Variants in MYT1 observed in about 807,000 individuals in gnomAD.
MYT1 encodes myelin transcription factor 1, also known as myelin transcription factor I.
Under a neutral mutation model 123.0 loss-of-function variants are expected in MYT1, and 23 were observed. The observed-to-expected ratio is 0.19, with a 90% CI of 0.13 to 0.26. The LOEUF is 0.26. Among genes scored for constraint, MYT1 ranks in the 10% least tolerant of loss-of-function variants. The pLI is 1.00. For synonymous variants in MYT1, 518 were observed against 575.3 expected, an observed-to-expected ratio of 0.90 and a Z score of 1.43; for missense variants, 1,125 against 1,472.5, an observed-to-expected ratio of 0.76 and a Z score of 3.86.
chr20:64,233,628 G>C (rs1465787781), intron 19 of MYT1, among the ~76,000 whole-genome samples: 2 of 150,592 alleles, frequency 1.3e-5, no homozygotes, highest in Non-Finnish European at 1.5e-5. Context: ...TCCTTGTAGA[G>C]TGCATTTTGG....
chr20:64,206,208 G>C (rs1259516826), intron 6 of MYT1, among the ~76,000 whole-genome samples: 2 of 152,154 alleles, frequency 1.3e-5, no homozygotes, highest in Non-Finnish European at 2.9e-5. Flanking sequence ...AGACCTGCCT[G>C]GGGGCATGGG....
At chr20:64,205,890 G>A (rs1159846560) in intron 6 of MYT1, 90 bp downstream of exon 6, 7 of 1,542,882 alleles carry the variant, frequency 4.5e-6, no homozygotes, top group Non-Finnish European at 6.1e-6. Context: ...GCTCACTCCG[G>A]GCAAGAGAAA....
In MYT1 at chr20:64,208,542, G is replaced by A. The variant is rs1334412283; in HGVS notation, c.1291+55G>A. 5.9e-6 allele frequency: 9 copies of A among 1,526,366 alleles called. No homozygotes were observed. In the Admixed American group the frequency reaches 8.1e-5, roughly 14 times the overall value. The allele number at this position is 1,526,366 out of a possible 1,614,324, so 94.6% of individuals were successfully genotyped here. On this transcript the variant is annotated intron_variant, in intron 7 of 22. Transcript: ENST00000328439. The surrounding 1 kb of genome is among the most constrained non-coding windows in gnomAD (Gnocchi z 5.4). ...GACTCATCCTTTCACCCCTGCCCCA[G>A]GTGTGCAGATGCAGGCTGAGAGCCC...
At chr20:64,187,928 C>T (rs368902852) in intron 1 of MYT1, among the ~76,000 whole-genome samples, 8 of 152,308 alleles carry the variant, frequency 5.3e-5, no homozygotes, top group Admixed American at 2.0e-4. Context: ...AGAAGCTCAG[C>T]GGCTTTGCTG....
intron 21 of MYT1, among the ~76,000 whole-genome samples, chr20:64,237,602 C>T (rs1356426435): frequency 5.9e-5 from 9 of 152,180 alleles, no homozygotes; most frequent in African/African-American, 1.4e-4. Flanking sequence ...GCCAGTGGGC[C>T]GCCGGAGCTG....
intron 1 of MYT1, among the ~76,000 whole-genome samples, chr20:64,184,405 T>C (rs993524759): frequency 1.3e-5 from 2 of 152,070 alleles, no homozygotes; most frequent in African/African-American, 4.8e-5. Flanking sequence ...ATTAAATTGT[T>C]TTTGTGCCAT....
chr20:64,221,732 T>TG lies in MYT1; in HGVS notation c.2242-155dup, dbSNP rs1195233143. ...AGGGGTGTTGTCTTCTGTGTTTTGC[T>TG]GGGGGGAGTTAAGTCTTCCTCCCTT... is the stretch of plus-strand genomic sequence containing the variant. On this transcript the variant is annotated intron_variant, in intron 13 of 22. Coordinates refer to ENST00000328439, the MANE Select transcript of MYT1 (RefSeq NM_004535.3). 2.0e-5 allele frequency among the ~76,000 whole-genome samples: 3 copies of TG among 152,124 alleles called. No individual in the cohort carries two copies. The East Asian group carries it at 5.8e-4, about 29-fold the overall frequency.
intron 22 of MYT1, 92 bp from the exon 23 acceptor site, chr20:64,240,228 G>T: frequency 6.5e-7 from 1 of 1,544,218 alleles, no homozygotes; most frequent in Non-Finnish European, 8.7e-7. Context: ...CTCAGGTCAC[G>T]TGGGGACATA....
At chr20:64,217,828 A>G (rs900792948) in intron 11 of MYT1, among the ~76,000 whole-genome samples, 3 of 152,254 alleles carry the variant, frequency 2.0e-5, no homozygotes, top group African/African-American at 7.2e-5. Flanking sequence ...TGACATTAGT[A>G]ACAAATTTTC....
intron 11 of MYT1, among the ~76,000 whole-genome samples, chr20:64,217,900 G>A (rs1280165017): frequency 2.6e-5 from 4 of 152,238 alleles, no homozygotes; most frequent in African/African-American, 4.8e-5. Context: ...TTTCTGTCTT[G>A]TCTTGTCACT....
chr20:64,204,724 G>A (rs781159085), intron 4 of MYT1, among the ~76,000 whole-genome samples: 16 of 152,178 alleles, frequency 1.1e-4, no homozygotes, highest in Non-Finnish European at 1.9e-4. Context: ...ACCTCAGAGC[G>A]TCTCGTGTCC....
In MYT1 at chr20:64,186,791, T is replaced by G. The variant is rs1253722850; in HGVS notation, c.-98-3272T>G. Among the ~76,000 whole-genome samples, 1 of 151,884 alleles carries G rather than the reference T, an allele frequency of 6.6e-6. No individual in the cohort carries two copies. Among genetic ancestry groups the G allele is most frequent in the Non-Finnish European group, 1.5e-5 (1 of 67,968 alleles). On this transcript the variant is annotated intron_variant, in intron 1 of 22. Transcript: ENST00000328439. This position sits in a 1 kb window ranked among gnomAD's most constrained non-coding sequence, Gnocchi z 4.3. ...CGTGGCCCCGGCATCCACGTTTCCG[T>G]GGAGACTTTTCCTGTAGCCTGTGGC...
At position 64,228,008 on chromosome 20, in the gene MYT1, G is replaced by A. The variant is rs2295453; in HGVS notation, c.2675+37G>A. 7.5e-3 allele frequency: 11,903 copies of A among 1,586,234 alleles called. 454 individuals carry two copies. In the East Asian group the frequency reaches 0.1, roughly 14 times the overall value. ...CATGCTGGCTCTTTCATTGCATTGC[G>A]GAATTGAGATTTTCGTGTGTTTTAT... On this transcript the variant is annotated intron_variant, in intron 18 of 22. Transcript: ENST00000328439.
At chr20:64,188,577 C>T (rs1312708136) in intron 1 of MYT1, among the ~76,000 whole-genome samples, 5 of 152,176 alleles carry the variant, frequency 3.3e-5, no homozygotes, top group East Asian at 1.9e-4. Flanking sequence ...GCACACTCCC[C>T]GGCTGATACG....
chr20:64,226,437 A>T (rs2145728416), intron 16 of MYT1, among the ~76,000 whole-genome samples: 1 of 152,320 alleles, frequency 6.6e-6, no homozygotes, highest in African/African-American at 2.4e-5. Context: ...AGCAGCATGG[A>T]AAGTGAGACG....
intron 11 of MYT1, among the ~76,000 whole-genome samples, chr20:64,217,722 T>G (rs1983882896): frequency 6.6e-6 from 1 of 152,136 alleles, no homozygotes; most frequent in African/African-American, 2.4e-5. Context: ...GTGGGCTGGG[T>G]GGGGCCAGAT....
At chr20:64,199,797 C>CCAA in intron 3 of MYT1, 95 bp from the exon 4 acceptor site, 3 of 1,438,556 alleles carry the variant, frequency 2.1e-6, no homozygotes, top group Non-Finnish European at 2.9e-6. Flanking sequence ...CCTTGGCAAA[C>CCAA]CTCTCGGCTG....
In MYT1 at chr20:64,190,369, A is replaced by T. The variant is rs1042194284; in HGVS notation, c.-1+209A>T. On this transcript the variant is annotated intron_variant, in intron 2 of 22. Coordinates refer to ENST00000328439, the MANE Select transcript of MYT1 (RefSeq NM_004535.3). The surrounding 1 kb of genome is among the most constrained non-coding windows in gnomAD (Gnocchi z 4.1). ...AGGGAAGAAAAATGACTCTGAGTAGATCAAAACTAAAATGTGACCCCAGGC... is the reference window on the plus strand; with the variant it reads ...AGGGAAGAAAAATGACTCTGAGTAGTTCAAAACTAAAATGTGACCCCAGGC... Among the ~76,000 whole-genome samples, 2 of 152,244 alleles carry T rather than the reference A, an allele frequency of 1.3e-5. No homozygotes were observed. Among genetic ancestry groups the T allele is most frequent in the Non-Finnish European group, 2.9e-5 (2 of 68,050 alleles).
At chr20:64,194,790 T>G (rs2012987) in intron 2 of MYT1, among the ~76,000 whole-genome samples, 9,381 of 152,286 alleles carry the variant, frequency 0.062, 424 homozygotes, top group Non-Finnish European at 0.086. Flanking sequence ...CCCGTTGGGC[T>G]TCATGGAAAA....
Sources: allele counts gnomAD v4.1 joint callset (sites outside exome capture counted in the v4.1 genomes callset), GRCh38; gene constraint gnomAD v4.1.1; non-coding constraint Gnocchi (gnomAD v3.1); transcripts MANE v1.5; gene names NCBI Gene and HGNC (gene_info 2026-07-23, HGNC 2026-07-21).